Variants in BMPR1B observed in about 807,000 individuals in gnomAD.
BMPR1B encodes bone morphogenetic protein receptor type-1B.
In BMPR1B, 12 loss-of-function variants were observed where a neutral mutation model predicts 59.1. That is an observed-to-expected ratio of 0.20 (90% confidence interval 0.13 to 0.33). BMPR1B has a LOEUF of 0.33. BMPR1B is among the 10% of genes least tolerant of loss of function. The probability of loss-of-function intolerance (pLI) is 1.00; values close to 1 mark genes in which losing one functional copy is unlikely to be tolerated. For synonymous variants in BMPR1B, 237 were observed against 207.3 expected, an observed-to-expected ratio of 1.14 and a Z score of -1.23; for missense variants, 550 against 610.9, an observed-to-expected ratio of 0.90 and a Z score of 1.05.
chr4:94,982,714 C>T (rs1721164473), intron 2 of BMPR1B, among the ~76,000 whole-genome samples: 1 of 152,078 alleles, frequency 6.6e-6, no homozygotes, highest in Non-Finnish European at 1.5e-5. Context: ...ATTTGTCAGC[C>T]GGGTGCGGTG....
intron 1 of BMPR1B, among the ~76,000 whole-genome samples, chr4:94,798,451 C>G (rs1360457489): frequency 6.6e-6 from 1 of 152,214 alleles, no homozygotes; most frequent in Non-Finnish European, 1.5e-5. Flanking sequence ...ATCCCTTACT[C>G]TCAGTTACAG....
chr4:95,113,220 G>A (rs1218974756), intron 4 of BMPR1B, among the ~76,000 whole-genome samples: 1 of 152,168 alleles, frequency 6.6e-6, no homozygotes, highest in Non-Finnish European at 1.5e-5. Context: ...TTCAAGGCAT[G>A]GGCTGTTCAG....
At chr4:94,829,342 T>C (rs1271087529) in intron 1 of BMPR1B, among the ~76,000 whole-genome samples, 1 of 151,518 alleles carries the variant, frequency 6.6e-6, no homozygotes, top group Non-Finnish European at 1.5e-5. Flanking sequence ...TTTTTTTTTT[T>C]TGGGACACTG....
intron 1 of BMPR1B, among the ~76,000 whole-genome samples, chr4:94,871,763 AACAACTTAGTTTACT>A (rs1377506874): frequency 6.6e-6 from 1 of 152,220 alleles, no homozygotes; most frequent in African/African-American, 2.4e-5. Context: ...AACAATTTTC[AACAACTTAGTTTACT>A]ACCTATATAT....
At chr4:94,833,647 T>C (rs1346043159) in intron 1 of BMPR1B, among the ~76,000 whole-genome samples, 2 of 152,206 alleles carry the variant, frequency 1.3e-5, no homozygotes, top group Non-Finnish European at 2.9e-5. Context: ...TTCCCCTGCC[T>C]AAGTTCAATG....
chr4:94,896,152 G>T (rs183798549), intron 2 of BMPR1B, among the ~76,000 whole-genome samples: 1 of 151,954 alleles, frequency 6.6e-6, no homozygotes, highest in Non-Finnish European at 1.5e-5. Flanking sequence ...TAACTCAAAG[G>T]GTGAAAATGA....
chr4:94,981,922 T>C (rs1210429728), intron 2 of BMPR1B, among the ~76,000 whole-genome samples: 1 of 152,178 alleles, frequency 6.6e-6, no homozygotes, highest in African/African-American at 2.4e-5. Context: ...CAAAATGATA[T>C]GCCCTTTCAG....
chr4:94,994,918 G>C (rs1213533350), intron 2 of BMPR1B, among the ~76,000 whole-genome samples: 6 of 152,152 alleles, frequency 3.9e-5, no homozygotes, highest in African/African-American at 1.4e-4. Flanking sequence ...AAGTTGCCAT[G>C]TGACCCTGGG....
intron 3 of BMPR1B, among the ~76,000 whole-genome samples, chr4:95,044,173 T>C (rs141357514): frequency 1.4e-3 from 208 of 152,362 alleles, no homozygotes; most frequent in African/African-American, 4.8e-3. Context: ...GTTGTCTCTT[T>C]ATATTTGTAT....
chr4:95,030,519 G>T (rs549424438), intron 3 of BMPR1B, among the ~76,000 whole-genome samples: 1 of 152,116 alleles, frequency 6.6e-6, no homozygotes, highest in East Asian at 1.9e-4. Flanking sequence ...GTTCTGGCCA[G>T]GGCAATTAGG....
chr4:94,958,051 A>G (rs1361874931), intron 2 of BMPR1B, among the ~76,000 whole-genome samples: 1 of 152,236 alleles, frequency 6.6e-6, no homozygotes, highest in Non-Finnish European at 1.5e-5. Context: ...ATCGTTTATC[A>G]GCATTCTACT....
intron 1 of BMPR1B, among the ~76,000 whole-genome samples, chr4:94,861,510 CCCTGTGCTCAGCT>C (rs1725976274): frequency 6.6e-6 from 1 of 152,132 alleles, no homozygotes; most frequent in Non-Finnish European, 1.5e-5. Context: ...TGTGCTCAGA[CCCTGTGCTCAGCT>C]ACCTAAATAC....
At chr4:95,059,326 G>A (rs1372895318) in intron 3 of BMPR1B, among the ~76,000 whole-genome samples, 1 of 152,166 alleles carries the variant, frequency 6.6e-6, no homozygotes, top group African/African-American at 2.4e-5. Flanking sequence ...ATATATGTGT[G>A]TGTGTGTTTT....
At chr4:94,990,763 A>G (rs943695366) in intron 2 of BMPR1B, among the ~76,000 whole-genome samples, 3 of 152,220 alleles carry the variant, frequency 2.0e-5, no homozygotes, top group Non-Finnish European at 1.5e-5. Context: ...TTACATATGT[A>G]TACATGTGCC....
chr4:95,120,653 T>TTCCTTC (rs1400928246), intron 6 of BMPR1B, among the ~76,000 whole-genome samples: 38 of 116,588 alleles, frequency 3.3e-4, no homozygotes, highest in African/African-American at 9.9e-4. Flanking sequence ...TTCCTTCCTT[T>TTCCTTC]CCTTCCTTCC....
rs1043004279 is a variant in BMPR1B, at chr4:95,039,621, G to A, written c.-18+43487G>A. On this transcript the variant is annotated intron_variant, in intron 3 of 12. Coordinates refer to ENST00000515059, the MANE Select transcript of BMPR1B (RefSeq NM_001203.3). Reference sequence around the variant, plus strand: ...TCTAAGAGCAGGTAAGGGAAGATACGGAAATATGTGTGTGAGAGAGATGAA... The same window carrying A: ...TCTAAGAGCAGGTAAGGGAAGATACAGAAATATGTGTGTGAGAGAGATGAA... 2.0e-5 allele frequency among the ~76,000 whole-genome samples: 3 copies of A among 152,124 alleles called. No individual in the cohort carries two copies. In the East Asian group the frequency reaches 5.8e-4, roughly 29 times the overall value.
At chr4:95,121,062 C>A (rs2149287322) in intron 6 of BMPR1B, among the ~76,000 whole-genome samples, 1 of 152,316 alleles carries the variant, frequency 6.6e-6, no homozygotes, top group Admixed American at 6.5e-5. Flanking sequence ...CCCACCTTGG[C>A]TTCCCAAACT....
chr4:95,123,428 C>T (rs1156878613), intron 6 of BMPR1B, among the ~76,000 whole-genome samples: 5 of 151,998 alleles, frequency 3.3e-5, no homozygotes, highest in Non-Finnish European at 7.4e-5. Flanking sequence ...ATAGAGTACT[C>T]CAGAGACCAC....
chr4:94,996,159 C>T (rs911786021), intron 3 of BMPR1B, 25 bp downstream of exon 3: 2 of 152,198 alleles, frequency 1.3e-5, no homozygotes, highest in Admixed American at 6.5e-5. Context: ...AGTTCAGTCT[C>T]GCTGTTACTC....
Sources: gnomAD v4.1 joint callset for allele counts (sites outside exome capture counted in the v4.1 genomes callset) on GRCh38, gnomAD v4.1.1 for gene constraint, MANE v1.5 for transcripts, NCBI Gene and HGNC (gene_info 2026-07-23, HGNC 2026-07-21) for gene names.